Variants in EPHA7 observed in about 807,000 individuals in gnomAD.
The protein encoded by EPHA7 is ephrin type-A receptor 7.
Under a neutral mutation model 112.6 loss-of-function variants are expected in EPHA7, and 25 were observed. The ratio of observed to expected loss-of-function variants is 0.22; its 90% CI spans 0.16 to 0.31. The LOEUF (loss-of-function observed/expected upper bound fraction) is 0.31, where lower values mean the gene tolerates loss of function less well. Ranked by LOEUF, EPHA7 falls within the 10% of genes least tolerant of loss-of-function variation. EPHA7 has a pLI of 1.00. For synonymous variants in EPHA7, 437 were observed against 406.5 expected (o/e 1.07, Z -0.90); for missense variants, 962 against 1,212.6 (o/e 0.79, Z 3.07).
At chr6:93,246,063 T>C (rs1005182820) in intron 15 of EPHA7, among the ~76,000 whole-genome samples, 6 of 152,126 alleles carry the variant, frequency 3.9e-5, no homozygotes, top group African/African-American at 1.4e-4. Context: ...CTTTTCTTTT[T>C]TTTTTGGAGA....
chr6:93,317,332 A>G (rs1773861105), intron 5 of EPHA7, among the ~76,000 whole-genome samples: 1 of 152,198 alleles, frequency 6.6e-6, no homozygotes, highest in East Asian at 1.9e-4. Context: ...GGTGGGAGCC[A>G]GTCCTAGGAA....
chr6:93,405,491 T>C (rs80300952), intron 3 of EPHA7, among the ~76,000 whole-genome samples: 5,745 of 151,846 alleles, frequency 0.038, 190 homozygotes, highest in East Asian at 0.16. Flanking sequence ...TTCATCACCA[T>C]GAGGTTTCTT....
chr6:93,400,705 C>T (rs1369320670), intron 3 of EPHA7, among the ~76,000 whole-genome samples: 1 of 151,808 alleles, frequency 6.6e-6, no homozygotes, highest in Non-Finnish European at 1.5e-5. Context: ...ACCTGAATAA[C>T]TTTTCCAATT....
intron 3 of EPHA7, among the ~76,000 whole-genome samples, chr6:93,371,366 G>A (rs1776787800): frequency 6.6e-6 from 1 of 152,144 alleles, no homozygotes; most frequent in Non-Finnish European, 1.5e-5. Context: ...GATATTGTAA[G>A]TAATCTAGAG....
intron 5 of EPHA7, among the ~76,000 whole-genome samples, chr6:93,299,992 A>G (rs563943098): frequency 5.3e-5 from 8 of 152,304 alleles, no homozygotes; most frequent in African/African-American, 1.7e-4. Flanking sequence ...TGGTGGGAAG[A>G]GGAAGAGGAA....
intron 2 of EPHA7, among the ~76,000 whole-genome samples, chr6:93,411,696 C>T (rs1045348781): frequency 6.6e-6 from 1 of 151,990 alleles, no homozygotes; most frequent in African/African-American, 2.4e-5. Flanking sequence ...ATTTTACAAT[C>T]GTTTCAAAAT....
chr6:93,339,111 A>G (rs1295634379), intron 5 of EPHA7, among the ~76,000 whole-genome samples: 1 of 151,564 alleles, frequency 6.6e-6, no homozygotes, highest in Non-Finnish European at 1.5e-5. Flanking sequence ...AAAACATATA[A>G]TACAAAAACT....
At chr6:93,244,633 G>A (rs1217088637) in intron 16 of EPHA7, among the ~76,000 whole-genome samples, 1 of 151,698 alleles carries the variant, frequency 6.6e-6, no homozygotes, top group Non-Finnish European at 1.5e-5. Context: ...TTAACTTCAA[G>A]TTCATAGAAA....
chr6:93,317,350 T>C (rs1308455969), intron 5 of EPHA7, among the ~76,000 whole-genome samples: 1 of 152,116 alleles, frequency 6.6e-6, no homozygotes, highest in African/African-American at 2.4e-5. Flanking sequence ...GAATGCATGG[T>C]ATAAAAGGCA....
intron 9 of EPHA7, 23 bp from the exon 10 acceptor site, chr6:93,259,502 G>T: frequency 6.2e-7 from 1 of 1,609,190 alleles, no homozygotes; most frequent in South Asian, 1.1e-5. Context: ...AAGAAAGCAT[G>T]ACTGTGATGA....
At chr6:93,305,102 G>GT (rs367638370) in intron 5 of EPHA7, among the ~76,000 whole-genome samples, 88 of 150,072 alleles carry the variant, frequency 5.9e-4, no homozygotes, top group Admixed American at 1.8e-3. Context: ...ATTTTTATGT[G>GT]TTTTTTTTTG....
intron 16 of EPHA7, among the ~76,000 whole-genome samples, chr6:93,244,892 T>G (rs1227966254): frequency 6.6e-6 from 1 of 152,126 alleles, no homozygotes; most frequent in East Asian, 1.9e-4. Context: ...ATGGAGAAAG[T>G]TTCCCCAGTG....
At chr6:93,357,501 C>T (rs1265267118) in intron 4 of EPHA7, among the ~76,000 whole-genome samples, 1 of 152,094 alleles carries the variant, frequency 6.6e-6, no homozygotes, top group Non-Finnish European at 1.5e-5. Flanking sequence ...CTGAGATTGG[C>T]TTTGGATTTG....
At chr6:93,316,527 A>C (rs577051694) in intron 5 of EPHA7, among the ~76,000 whole-genome samples, 1 of 152,238 alleles carries the variant, frequency 6.6e-6, no homozygotes, top group African/African-American at 2.4e-5. Flanking sequence ...AGTGTGTAAC[A>C]CTATTTCTGT....
At chr6:93,352,137 T>C (rs1305615930) in intron 5 of EPHA7, among the ~76,000 whole-genome samples, 1 of 152,166 alleles carries the variant, frequency 6.6e-6, no homozygotes, top group African/African-American at 2.4e-5. Flanking sequence ...TATTTGATGG[T>C]GGTGACACAG....
At chr6:93,407,958 A>T (rs1202902686) in intron 3 of EPHA7, among the ~76,000 whole-genome samples, 1 of 152,012 alleles carries the variant, frequency 6.6e-6, no homozygotes, top group African/African-American at 2.4e-5. Flanking sequence ...TATAATTAGA[A>T]GCATAAAACT....
chr6:93,247,057 G>A, intron 14 of EPHA7, 72 bp from the exon 15 acceptor site: 1 of 1,302,878 alleles, frequency 7.7e-7, no homozygotes, highest in East Asian at 2.4e-5. Context: ...TTCCTGGTAG[G>A]CAAAATGATT....
At chr6:93,296,367 C>A in intron 5 of EPHA7, among the ~76,000 whole-genome samples, 2 of 149,580 alleles carry the variant, frequency 1.3e-5, no homozygotes, top group East Asian at 2.0e-4. Context: ...TTACAATAGT[C>A]AAGTCAAGGA....
At chr6:93,283,246 A>G (rs1771862925) in intron 5 of EPHA7, among the ~76,000 whole-genome samples, 1 of 152,132 alleles carries the variant, frequency 6.6e-6, no homozygotes, top group Non-Finnish European at 1.5e-5. Flanking sequence ...TAGTGGGGAC[A>G]TGGAGAACTT....
Sources: gnomAD v4.1 joint callset for allele counts (sites outside exome capture counted in the v4.1 genomes callset) on GRCh38, gnomAD v4.1.1 for gene constraint, MANE v1.5 for transcripts, NCBI Gene and HGNC (gene_info 2026-07-23, HGNC 2026-07-21) for gene names.